CAMK1D: variants seen among roughly 807,000 people sequenced by gnomAD.
The protein encoded by CAMK1D is calcium/calmodulin dependent protein kinase ID.
Under a neutral mutation model 47.7 loss-of-function variants are expected in CAMK1D, and 9 were observed. The ratio of observed to expected loss-of-function variants is 0.19; its 90% CI spans 0.11 to 0.33. CAMK1D has a LOEUF of 0.33. Among genes scored for constraint, CAMK1D ranks in the 10% least tolerant of loss-of-function variants. CAMK1D has a pLI of 1.00. For missense variants in CAMK1D, 291 were observed against 488.7 expected, an observed-to-expected ratio of 0.60 and a Z score of 3.81; for synonymous variants, 184 against 184.9, an observed-to-expected ratio of 0.99 and a Z score of 0.04.
chr10:12,397,936 C>CT (rs1350169072), intron 1 of CAMK1D, among the ~76,000 whole-genome samples: 10 of 152,148 alleles, frequency 6.6e-5, no homozygotes, highest in Non-Finnish European at 1.0e-4. Context: ...CCCAACTCGG[C>CT]TTTTTATTCA....
chr10:12,793,545 C>T (rs535099348), intron 6 of CAMK1D, among the ~76,000 whole-genome samples: 78 of 152,338 alleles, frequency 5.1e-4, no homozygotes, highest in Admixed American at 2.0e-4. Flanking sequence ...TTATTTCTTA[C>T]GGTCTGGAGG....
At chr10:12,698,163 C>T (rs2130708876) in intron 3 of CAMK1D, among the ~76,000 whole-genome samples, 2 of 152,222 alleles carry the variant, frequency 1.3e-5, no homozygotes, top group Admixed American at 1.3e-4. Context: ...ATAATACTTG[C>T]CCAAGAGTTT....
At chr10:12,547,232 G>C (rs937387667) in intron 1 of CAMK1D, among the ~76,000 whole-genome samples, 10 of 152,210 alleles carry the variant, frequency 6.6e-5, no homozygotes, top group Admixed American at 6.5e-4. Context: ...AAACCAGTAG[G>C]ATGAGCAGTG....
At chr10:12,569,712 G>C (rs1425185862) in intron 2 of CAMK1D, among the ~76,000 whole-genome samples, 1 of 95,150 alleles carries the variant, frequency 1.1e-5, no homozygotes, top group South Asian at 3.8e-4. Context: ...GACAGAACGA[G>C]ACTCCGTCTC....
chr10:12,571,410 C>T (rs1360364242), intron 2 of CAMK1D, among the ~76,000 whole-genome samples: 2 of 135,728 alleles, frequency 1.5e-5, no homozygotes, highest in Admixed American at 8.4e-5. Flanking sequence ...GATCGCAACA[C>T]TGCACTGCAC....
At position 12,693,628 on chromosome 10, in the gene CAMK1D, T is replaced by TC. The variant is rs150039671; in HGVS notation, c.299+26825dup. Among the ~76,000 whole-genome samples the TC allele has an allele frequency of 7.9e-3, 1,194 of 150,932 alleles. 8 individuals are homozygous for TC. The highest frequency in any genetic ancestry group is 0.021 in the African/African-American group (847 of 41,060). On this transcript the variant is annotated intron_variant, in intron 3 of 10. Transcript: ENST00000619168. Reference sequence around the variant, plus strand: ...AGCAGTGACAAGGGGTGAGACCCTGTCCCCCCCTAAAAAAGAAACTCTGCC... The same window carrying TC: ...AGCAGTGACAAGGGGTGAGACCCTGTCCCCCCCCTAAAAAAGAAACTCTGCC...
intron 2 of CAMK1D, among the ~76,000 whole-genome samples, chr10:12,658,432 G>T (rs887671602): frequency 4.0e-5 from 6 of 151,820 alleles, no homozygotes; most frequent in African/African-American, 1.5e-4. Context: ...TAGGGGAGGG[G>T]GGCAGGGAAG....
intron 2 of CAMK1D, among the ~76,000 whole-genome samples, chr10:12,573,447 G>A (rs1457169785): frequency 6.6e-6 from 1 of 152,198 alleles, no homozygotes; most frequent in African/African-American, 2.4e-5. Flanking sequence ...CAGCTGTGAG[G>A]CAGGACATCA....
chr10:12,789,206 A>AT (rs199706079), intron 5 of CAMK1D, among the ~76,000 whole-genome samples: 4,326 of 152,180 alleles, frequency 0.028, 85 homozygotes, highest in Non-Finnish European at 0.039. Context: ...ACATTATGAG[A>AT]TTTTTTTGGC....
chr10:12,696,357 C>T (rs938163932), intron 3 of CAMK1D, among the ~76,000 whole-genome samples: 13 of 151,624 alleles, frequency 8.6e-5, no homozygotes, highest in Middle Eastern at 3.4e-3. Context: ...ACCAACAAGG[C>T]GAAACCCCGT....
chr10:12,745,238 G>A (rs1835614090), intron 3 of CAMK1D, among the ~76,000 whole-genome samples: 1 of 152,106 alleles, frequency 6.6e-6, no homozygotes, highest in Admixed American at 6.5e-5. Flanking sequence ...CACCGTGTTA[G>A]CCAGGATGGT....
At chr10:12,705,093 T>G (rs944215731) in intron 3 of CAMK1D, among the ~76,000 whole-genome samples, 1 of 152,184 alleles carries the variant, frequency 6.6e-6, no homozygotes, top group African/African-American at 2.4e-5. Context: ...GCCTGGGTCT[T>G]GACCCATCAC....
chr10:12,533,722 A>G (rs1301679142), intron 1 of CAMK1D, among the ~76,000 whole-genome samples: 4 of 152,180 alleles, frequency 2.6e-5, no homozygotes, highest in Non-Finnish European at 4.4e-5. Flanking sequence ...ATTGGTAGGA[A>G]CAGTTAGTGT....
intron 5 of CAMK1D, among the ~76,000 whole-genome samples, chr10:12,773,015 C>T (rs927587442): frequency 1.3e-5 from 2 of 152,232 alleles, no homozygotes; most frequent in African/African-American, 4.8e-5. Context: ...ATGTTACCTC[C>T]TTTGACTGCT....
At chr10:12,468,603 A>T (rs577153835) in intron 1 of CAMK1D, among the ~76,000 whole-genome samples, 5 of 152,276 alleles carry the variant, frequency 3.3e-5, no homozygotes, top group African/African-American at 1.2e-4. Flanking sequence ...ACTCCTTCAC[A>T]GCCCCACACA....
chr10:12,436,289 T>C (rs560178245), intron 1 of CAMK1D, among the ~76,000 whole-genome samples: 112 of 152,092 alleles, frequency 7.4e-4, no homozygotes, highest in African/African-American at 2.6e-3. Flanking sequence ...GAGTCTAGAG[T>C]CTGCTGTGGA....
intron 2 of CAMK1D, among the ~76,000 whole-genome samples, chr10:12,581,086 T>C (rs1025080586): frequency 9.9e-5 from 15 of 152,162 alleles, no homozygotes; most frequent in African/African-American, 3.6e-4. Flanking sequence ...GTCATTCTTA[T>C]GCCTTTGCAT....
At chr10:12,353,493 G>A (rs147639750) in intron 1 of CAMK1D, among the ~76,000 whole-genome samples, 214 of 152,286 alleles carry the variant, frequency 1.4e-3, no homozygotes, top group African/African-American at 5.0e-3. Context: ...AGGGGTCAAG[G>A]CGGTTAGGCT....
At chr10:12,591,482 C>T (rs560052753) in intron 2 of CAMK1D, among the ~76,000 whole-genome samples, 1 of 152,340 alleles carries the variant, frequency 6.6e-6, no homozygotes, top group South Asian at 2.1e-4. Flanking sequence ...CACTTCTCTG[C>T]CTGCCTTTGA....
Sources: allele counts gnomAD v4.1 joint callset (sites outside exome capture counted in the v4.1 genomes callset), GRCh38; gene constraint gnomAD v4.1.1; transcripts MANE v1.5; gene names NCBI Gene and HGNC (gene_info 2026-07-23, HGNC 2026-07-21).